C20orf204: variants seen among roughly 807,000 people sequenced by gnomAD.
C20orf204 encodes uncharacterized protein C20orf204.
A neutral mutation model predicts 3.6 loss-of-function variants in C20orf204; 6 were observed. That is an observed-to-expected ratio of 1.68 (90% CI 0.92 to 3.31). The LOEUF (loss-of-function observed/expected upper bound fraction) is 3.31, where lower values mean the gene tolerates loss of function less well. Ranked by LOEUF, C20orf204 falls within the 30% of genes most tolerant of loss-of-function variation. C20orf204 has a pLI of 0.00. For missense variants in C20orf204, 167 were observed against 89.7 expected (o/e 1.86, Z -3.48); for synonymous variants, 80 against 41.4 (o/e 1.93, Z -3.58).
chr20:64,036,839 CT>C (rs1268798540), intron 1 of C20orf204: 2 of 152,542 alleles, frequency 1.3e-5, no homozygotes, highest in African/African-American at 4.8e-5. Context: ...GCCATTGCTG[CT>C]TTGTGCTCTG....
At position 64,038,742 on chromosome 20, in the gene C20orf204, G is replaced by A. The variant is rs562843125; in HGVS notation, c.553G>A (p.Ala185Thr). The change falls in exon 4 of 4, where the codon GCC becomes ACC. Residue 185 changes from alanine to threonine, a missense_variant. Ala to Thr is a moderately conservative substitution (Grantham distance 58). Transcript: ENST00000636176. ...WEKLFALRAP[A>T]SRDS ...GAAGCTCTTCGCGCTGCGCGCCCCG[G>A]CCTCCAGGGACTCCTAGCGCGGCCC... is the stretch of plus-strand genomic sequence containing the variant. The A allele has an allele frequency of 1.6e-4, 108 of 691,452 alleles. No individual in the cohort carries two copies. The Admixed American group carries it at 2.2e-3, about 14-fold the overall frequency. The allele number at this position is 691,452 out of a possible 1,614,324, so 42.8% of individuals were successfully genotyped here. A position where few individuals can be genotyped will look rare whatever the true frequency, so the allele number is the denominator to read the frequency against.
At position 64,038,274 on chromosome 20, in the gene C20orf204, C is replaced by T. The variant is rs1163897551; in HGVS notation, c.280-22C>T. The T allele has an allele frequency of 6.7e-6, 5 of 748,638 alleles. No individual in the cohort carries two copies. The East Asian group carries it at 1.1e-4, about 16-fold the overall frequency. The allele number at this position is 748,638 out of a possible 1,614,324, so 46.4% of individuals were successfully genotyped here. A position where few individuals can be genotyped will look rare whatever the true frequency, so the allele number is the denominator to read the frequency against. On this transcript the variant is annotated intron_variant, in intron 2 of 3. Transcript: ENST00000636176. The stretch of plus-strand genomic sequence containing the variant: ...TCAGTTTCCCCCCACCCCCACCCCG[C>T]CTTCCTCCCTTCCCTCCCCAGGAGC...
intron 1 of C20orf204, chr20:64,036,712 C>G (rs2059338845): frequency 1.3e-5 from 2 of 152,322 alleles, no homozygotes; most frequent in African/African-American, 4.8e-5. Flanking sequence ...GACCTCTGAC[C>G]CAGAGCAGGC....
rs762520173 is a variant in C20orf204 at position 64,038,292 on chromosome 20, C to G, written c.280-4C>G. On this transcript the variant is annotated splice_region_variant and splice_polypyrimidine_tract_variant and intron_variant, in intron 2 of 3. Coordinates refer to ENST00000636176, the MANE Select transcript of C20orf204 (RefSeq NM_001387010.1). ...CACCCCGCCTTCCTCCCTTCCCTCC[C>G]CAGGAGCACAGTATCCTCCTGTCCA... The G allele has an allele frequency of 1.3e-6, 1 of 757,016 alleles. No individual in the cohort carries two copies. The highest frequency in any genetic ancestry group is 2.4e-6 in the Non-Finnish European group (1 of 408,190). 46.9% of individuals were successfully genotyped at this position (757,016 alleles called of 1,614,324 possible).
upstream of C20orf204, chr20:64,035,981 A>G (rs1310169361): frequency 6.6e-6 from 1 of 152,416 alleles, no homozygotes; most frequent in African/African-American, 2.4e-5. Context: ...GGGACGGACA[A>G]GTTAATCCAA....
upstream of C20orf204, among the ~76,000 whole-genome samples, chr20:64,033,717 G>A (rs912998640): frequency 2.6e-5 from 4 of 152,172 alleles, no homozygotes; most frequent in African/African-American, 4.8e-5. Context: ...GACTACAGGC[G>A]CCCGCTGCCA....
Position 64,038,731 on chromosome 20 carries a change from T to C in C20orf204, c.542T>C (p.Leu181Pro). ...VATCWEKLFA[L>P]RAPASRDS ...ACCTGCTGGGAGAAGCTCTTCGCGC[T>C]GCGCGCCCCGGCCTCCAGGGACTCC... The change falls in exon 4 of 4, where the codon CTG becomes CCG. Residue 181 changes from leucine (L) to proline (P), a missense_variant. Transcript: ENST00000636176. 1.5e-6 allele frequency: 1 copy of C among 689,332 alleles called. No homozygotes were observed. The highest frequency in any genetic ancestry group is 2.7e-6 in the Non-Finnish European group (1 of 375,230). The allele number at this position is 689,332 out of a possible 1,614,324, so 42.7% of individuals were successfully genotyped here. A position where few individuals can be genotyped will look rare whatever the true frequency, so the allele number is the denominator to read the frequency against.
In C20orf204 at chr20:64,038,708, C is replaced by A. The variant is rs1165231520; in HGVS notation, c.519C>A (p.Thr173=). 1 of 675,960 alleles carries A rather than the reference C, an allele frequency of 1.5e-6. No homozygotes were observed. Among genetic ancestry groups the A allele is most frequent in the Non-Finnish European group, 2.7e-6 (1 of 370,828 alleles). The allele number at this position is 675,960 out of a possible 1,614,324, so 41.9% of individuals were successfully genotyped here. A position where few individuals can be genotyped will look rare whatever the true frequency, so the allele number is the denominator to read the frequency against. ...TGCGCGCCCTGGACGCCGTCGCCAC[C>A]TGCTGGGAGAAGCTCTTCGCGCTGC... The part of the protein sequence containing the change: ...LLLRALDAVA[T]CWEKLFALRA... Residue 173 remains threonine (T), a synonymous_variant, in exon 4 of 4, where the codon ACC becomes ACA. Transcript: ENST00000636176.
chr20:64,037,379 A>G (rs3764735), intron 1 of C20orf204: 24,978 of 152,372 alleles, frequency 0.16, 2,596 homozygotes, highest in African/African-American at 0.28. Context: ...GAGCTAACCC[A>G]GAGGGCGCCA....
In C20orf204 at chr20:64,037,988, G is replaced by A. The variant is rs984693962; in HGVS notation, c.65G>A (p.Arg22His). ...GCGCTGCTGGGGACCGCGCCAAGCCGCGCCTATTCCCCGGCCTGCAGCGTC... is the reference window on the plus strand; with the variant it reads ...GCGCTGCTGGGGACCGCGCCAAGCCACGCCTATTCCCCGGCCTGCAGCGTC... ...LLALLGTAPS[R>H]AYSPACSVPD... Residue 22 changes from arginine to histidine, a missense_variant, in exon 2 of 4, where the codon CGC becomes CAC. Arg to His is a conservative substitution (Grantham distance 29, BLOSUM62 0). Coordinates refer to ENST00000636176, the MANE Select transcript of C20orf204 (RefSeq NM_001387010.1). 7.9e-6 allele frequency: 4 copies of A among 505,614 alleles called. No homozygotes were observed. Among genetic ancestry groups the A allele is most frequent in the African/African-American group, 4.1e-5 (2 of 49,230 alleles). 31.3% of individuals were successfully genotyped at this position (505,614 alleles called of 1,614,324 possible). A position where few individuals can be genotyped will look rare whatever the true frequency, so the allele number is the denominator to read the frequency against.
chr20:64,036,600 C>T (rs1318551912), intron 1 of C20orf204: 1 of 152,318 alleles, frequency 6.6e-6, no homozygotes, highest in African/African-American at 2.4e-5. Context: ...TTGGGACTCC[C>T]AGGGCAGCCA....
chr20:64,038,265 C>T (rs771145440), intron 2 of C20orf204, 31 bp from the exon 3 acceptor site: 1 of 745,436 alleles, frequency 1.3e-6, no homozygotes, highest in South Asian at 1.4e-5. Flanking sequence ...TCCCCCCACC[C>T]CCACCCCGCC....
At chr20:64,034,167 A>T (rs543676061), upstream of C20orf204, among the ~76,000 whole-genome samples, 1 of 152,238 alleles carries the variant, frequency 6.6e-6, no homozygotes, top group East Asian at 1.9e-4. Flanking sequence ...CTGTCCCTGG[A>T]TGTTCCTTGT....
At chr20:64,037,528 G>A (rs1487318858) in intron 1 of C20orf204, 1 of 176,618 alleles carries the variant, frequency 5.7e-6, no homozygotes, top group Non-Finnish European at 1.2e-5. Context: ...CCTGCTCTGT[G>A]CGGTCCTGAG....
chr20:64,037,944 A>G lies in C20orf204; in HGVS notation c.21A>G (p.Ala7=), dbSNP rs2059343785. ...TCCTCCAGGTACCCCCTAAGCCTGCACTCTGGGCGCTCCTGCTGGCGCTGC... is the reference window on the plus strand; with the variant it reads ...TCCTCCAGGTACCCCCTAAGCCTGCGCTCTGGGCGCTCCTGCTGGCGCTGC... MVPPKP[A]LWALLLALLG... The change falls in exon 2 of 4, where the codon GCA becomes GCG. Residue 7 remains alanine (A), a synonymous_variant. Coordinates refer to ENST00000636176, the MANE Select transcript of C20orf204 (RefSeq NM_001387010.1). 8.2e-6 allele frequency: 4 copies of G among 488,438 alleles called. No individual in the cohort carries two copies. The South Asian group carries it at 1.4e-4, about 16-fold the overall frequency. The allele number at this position is 488,438 out of a possible 1,614,324, so 30.3% of individuals were successfully genotyped here. A position where few individuals can be genotyped will look rare whatever the true frequency, so the allele number is the denominator to read the frequency against.
intron 1 of C20orf204, chr20:64,036,768 CGT>C: frequency 6.6e-6 from 1 of 152,408 alleles, no homozygotes; most frequent in South Asian, 2.1e-4. Context: ...TTGGCTGTGG[CGT>C]GTGTGGTTGG....
intron 3 of C20orf204, 51 bp from the exon 4 acceptor site, chr20:64,038,571 G>A (rs775537539): frequency 1.9e-6 from 1 of 518,430 alleles, no homozygotes; most frequent in South Asian, 2.7e-5. Context: ...TTCCCGGGCC[G>A]GGCCGGGCGC....
chr20:64,035,280 C>T (rs2059334037), upstream of C20orf204: 1 of 152,230 alleles, frequency 6.6e-6, no homozygotes, highest in South Asian at 2.1e-4. Context: ...GCCTGGGGCT[C>T]CTGGGCTGCA....
rs2059344684 is a variant in C20orf204 at position 64,038,118 on chromosome 20, C to CT, written c.198dup (p.His67SerfsTer9). On this transcript the variant is annotated frameshift_variant, in exon 2 of 4. Coordinates refer to ENST00000636176, the MANE Select transcript of C20orf204 (RefSeq NM_001387010.1). LOFTEE classifies it high-confidence loss of function. ...AAAAGACCAGGCCAGGCTCCAGACA[C>CT]TTTCATTTCATACAGAAAAACCTGA... is the stretch of plus-strand genomic sequence containing the variant. The CT allele has an allele frequency of 1.8e-6, 1 of 549,190 alleles. No individual in the cohort carries two copies. Among genetic ancestry groups the CT allele is most frequent in the Admixed American group, 3.8e-5 (1 of 26,630 alleles). 34.0% of individuals were successfully genotyped at this position (549,190 alleles called of 1,614,324 possible). A position where few individuals can be genotyped will look rare whatever the true frequency, so the allele number is the denominator to read the frequency against.
Sources: gnomAD v4.1 joint callset for allele counts (sites outside exome capture counted in the v4.1 genomes callset) on GRCh38, gnomAD v4.1.1 for gene constraint, MANE v1.5 for transcripts, NCBI Gene and HGNC (gene_info 2026-07-23, HGNC 2026-07-21) for gene names.